Variants in FLOT2 observed in about 807,000 individuals in gnomAD.
FLOT2 encodes the protein flotillin 2, also known as flotillin-2.
A neutral mutation model predicts 54.9 loss-of-function variants in FLOT2; 35 were observed. The ratio of observed to expected loss-of-function variants is 0.64; its 90% CI spans 0.49 to 0.84. The LOEUF is 0.84. Ranked by LOEUF, FLOT2 falls within the 40% of genes least tolerant of loss-of-function variation. The probability of loss-of-function intolerance (pLI) is 0.00; values close to 1 mark genes in which losing one functional copy is unlikely to be tolerated. For synonymous variants in FLOT2, 207 were observed against 228.9 expected (o/e 0.90, Z 0.86); for missense variants, 464 against 572.1 (o/e 0.81, Z 1.93).
intron 1 of FLOT2, among the ~76,000 whole-genome samples, chr17:28,891,032 C>T (rs576850633): frequency 6.6e-6 from 1 of 151,892 alleles, no homozygotes; most frequent in Non-Finnish European, 1.5e-5. Flanking sequence ...AGGTGTGTGC[C>T]CCCATGCCCA....
At chr17:28,888,817 CACCG>C in intron 2 of FLOT2, 124 bp downstream of exon 2, 1 of 568,676 alleles carries the variant, frequency 1.8e-6, no homozygotes. Context: ...CCCACCCCTC[CACCG>C]CCAGAATGGA....
Position 28,880,384 on chromosome 17 carries a change from G to T in FLOT2, c.*177C>A. On this transcript the variant is annotated 3_prime_UTR_variant, in exon 11 of 11. Coordinates refer to ENST00000394908, the MANE Select transcript of FLOT2 (RefSeq NM_004475.3). ...GTGGGGTAAAGGAGAGGAAGAGGAG[G>T]AGGTGGACAGACAGGAGAGACAGGA... is the stretch of plus-strand genomic sequence containing the variant. The T allele has an allele frequency of 6.8e-7, 1 of 1,462,442 alleles. No individual in the cohort carries two copies. The highest frequency in any genetic ancestry group is 9.0e-7 in the Non-Finnish European group (1 of 1,108,958). 90.6% of individuals were successfully genotyped at this position (1,462,442 alleles called of 1,614,324 possible).
rs1283488475 is a variant in FLOT2, at chr17:28,880,342, T to A, written c.*219A>T. On this transcript the variant is annotated 3_prime_UTR_variant, in exon 11 of 11. Coordinates refer to ENST00000394908, the MANE Select transcript of FLOT2 (RefSeq NM_004475.3). ...GCAGGGAGATGAGACACAAACCTGA[T>A]GAAAGTGGCAGTGAAAGTGGGGTAA... 20 of 1,402,446 alleles carry A rather than the reference T, an allele frequency of 1.4e-5. No individual in the cohort carries two copies. The highest frequency in any genetic ancestry group is 2.8e-6 in the Non-Finnish European group (3 of 1,079,830). The allele number at this position is 1,402,446 out of a possible 1,614,324, so 86.9% of individuals were successfully genotyped here.
intron 1 of FLOT2, among the ~76,000 whole-genome samples, chr17:28,893,987 G>A (rs765816607): frequency 2.6e-5 from 4 of 152,338 alleles, no homozygotes; most frequent in Non-Finnish European, 5.9e-5. Context: ...GTAGCTTGCC[G>A]ATGCTCCCAG....
rs2039411313 is a variant in FLOT2 at position 28,879,410 on chromosome 17, C to T, written c.*1151G>A. The T allele has an allele frequency of 1.0e-6, 1 of 988,008 alleles. No individual in the cohort carries two copies. Among genetic ancestry groups the T allele is most frequent in the African/African-American group, 1.7e-5 (1 of 57,246 alleles). 61.2% of individuals were successfully genotyped at this position (988,008 alleles called of 1,614,324 possible). ...GCAGTGCAACATCCAAGCCCCAGAC[C>T]AGACATGCAGCATCCACATGCAGGA... On this transcript the variant is annotated 3_prime_UTR_variant, in exon 11 of 11. Coordinates refer to ENST00000394908, the MANE Select transcript of FLOT2 (RefSeq NM_004475.3).
In FLOT2 at chr17:28,880,074, T is replaced by C; in HGVS notation, c.*487A>G. ...GGCTGTGGGCTTCCTGGGGCAGGGT[T>C]TAGGGCTGGGAAGACCAGTCCAGGA... On this transcript the variant is annotated 3_prime_UTR_variant, in exon 11 of 11. Coordinates refer to ENST00000394908, the MANE Select transcript of FLOT2 (RefSeq NM_004475.3). 8 of 992,362 alleles carry C rather than the reference T, an allele frequency of 8.1e-6. No homozygotes were observed. Among genetic ancestry groups the C allele is most frequent in the Non-Finnish European group, 9.6e-6 (8 of 834,444 alleles). The allele number at this position is 992,362 out of a possible 1,614,324, so 61.5% of individuals were successfully genotyped here.
Position 28,888,984 on chromosome 17 carries a change from C to T in FLOT2, c.92G>A (p.Gly31Asp), listed in dbSNP as rs766987336. 1.5e-5 allele frequency: 25 copies of T among 1,614,186 alleles called. No homozygotes were observed. The highest frequency in any genetic ancestry group is 2.1e-5 in the Non-Finnish European group (25 of 1,180,016). ...GSDYKQYVFG[G>D]WAWAWWCISD... is the part of the protein sequence containing the mutation. ...GATACACCACCAGGCCCAGGCCCAG[C>T]CGCCAAACACGTACTGTTTATAGTC... is the stretch of plus-strand genomic sequence containing the variant. Residue 31 changes from glycine to aspartate, a missense_variant, in exon 2 of 11, where the codon GGC becomes GAC. By Grantham distance (94) the Gly-to-Asp change is moderately conservative. Transcript: ENST00000394908.
In FLOT2 at chr17:28,881,858, G is replaced by A. The variant is rs371405709; in HGVS notation, c.870C>T (p.Ala290=). The A allele has an allele frequency of 1.1e-3, 1,790 of 1,613,524 alleles. 40 individuals are homozygous for A. The South Asian group carries it at 0.018, about 16-fold the overall frequency. Residue 290 remains alanine (A), a synonymous_variant, in exon 8 of 11, where the codon GCC becomes GCT. Coordinates refer to ENST00000394908, the MANE Select transcript of FLOT2 (RefSeq NM_004475.3). ...KELIATVRRP[A]EAEAHRIQQI... ...GCTGGATGCGGTGGGCCTCGGCCTC[G>A]GCAGGCCGGCGCACTGTAGCGATGA... is the stretch of plus-strand genomic sequence containing the variant.
Position 28,884,400 on chromosome 17 carries a change from C to A in FLOT2, c.132-85G>T. On this transcript the variant is annotated intron_variant, in intron 2 of 10. Transcript: ENST00000394908. The surrounding 1 kb of genome is among the most constrained non-coding windows in gnomAD (Gnocchi z 5.1). ...GAAAGAGGCCAGTACCTCACTGCTCCGGCTGGGTCCTGGTGAGGAAGGTGG... is the reference window on the plus strand; with the variant it reads ...GAAAGAGGCCAGTACCTCACTGCTCAGGCTGGGTCCTGGTGAGGAAGGTGG... The A allele has an allele frequency of 1.2e-6, 1 of 811,598 alleles. No homozygotes were observed. Among genetic ancestry groups the A allele is most frequent in the South Asian group, 1.6e-5 (1 of 64,336 alleles). The allele number at this position is 811,598 out of a possible 1,614,324, so 50.3% of individuals were successfully genotyped here.
Position 28,881,267 on chromosome 17 carries a change from C to T in FLOT2, c.1023G>A (p.Met341Ile). The change falls in exon 9 of 11, where the codon ATG (methionine) becomes ATA (isoleucine). Residue 341 changes from methionine (M) to isoleucine (I), a missense_variant. Met to Ile is a conservative substitution (Grantham distance 10). Coordinates refer to ENST00000394908, the MANE Select transcript of FLOT2 (RefSeq NM_004475.3). Reference protein sequence around the residue: ...EAMGKAEAERMKLKAEAYQKY... With the variant: ...EAMGKAEAERIKLKAEAYQKY... ...TCTGGTAGGCTTCTGCCTTGAGCTT[C>T]ATCCGCTCAGCCTCTGCCTTGCCCA... The T allele has an allele frequency of 6.2e-7, 1 of 1,614,204 alleles. No homozygotes were observed. Among genetic ancestry groups the T allele is most frequent in the South Asian group, 1.1e-5 (1 of 91,090 alleles).
chr17:28,891,441 C>T (rs1250810895), intron 1 of FLOT2, among the ~76,000 whole-genome samples: 29 of 152,204 alleles, frequency 1.9e-4, no homozygotes, highest in Non-Finnish European at 1.5e-5. Flanking sequence ...CACCACTTTG[C>T]ATGAGGAGGA....
rs944811632 is a variant in FLOT2, at chr17:28,879,962, G to A, written c.*599C>T. Reference sequence around the variant, plus strand: ...AAAGGACAGGGTATGAGCGCTGGCTGGGGCCTTGGGTGGATGAGGGGAAGG... The same window carrying A: ...AAAGGACAGGGTATGAGCGCTGGCTAGGGCCTTGGGTGGATGAGGGGAAGG... On this transcript the variant is annotated 3_prime_UTR_variant, in exon 11 of 11. Coordinates refer to ENST00000394908, the MANE Select transcript of FLOT2 (RefSeq NM_004475.3). 8.1e-6 allele frequency: 8 copies of A among 987,220 alleles called. No homozygotes were observed. Among genetic ancestry groups the A allele is most frequent in the Non-Finnish European group, 8.4e-6 (7 of 831,226 alleles). The allele number at this position is 987,220 out of a possible 1,614,324, so 61.2% of individuals were successfully genotyped here. A position where few individuals can be genotyped will look rare whatever the true frequency, so the allele number is the denominator to read the frequency against.
intron 1 of FLOT2, among the ~76,000 whole-genome samples, chr17:28,895,259 T>C (rs937445653): frequency 6.6e-6 from 1 of 152,172 alleles, no homozygotes; most frequent in Non-Finnish European, 1.5e-5. Flanking sequence ...TTGAAAGTTA[T>C]CAAAATTTAA....
At chr17:28,885,669 A>C (rs1185753953) in intron 2 of FLOT2, 1 of 717,578 alleles carries the variant, frequency 1.4e-6, no homozygotes, top group African/African-American at 1.7e-5. Context: ...GCAGTCCAAT[A>C]GGCAAGGGCA....
At chr17:28,886,261 A>T (rs2039545131) in intron 2 of FLOT2, among the ~76,000 whole-genome samples, 1 of 152,218 alleles carries the variant, frequency 6.6e-6, no homozygotes, top group African/African-American at 2.4e-5. Flanking sequence ...AGGCTTGTGC[A>T]CAGGGCACCT....
At chr17:28,889,399 G>A (rs1430216570) in intron 1 of FLOT2, among the ~76,000 whole-genome samples, 1 of 151,674 alleles carries the variant, frequency 6.6e-6, no homozygotes. Context: ...GCGCAGTCTC[G>A]GCTCACTGCA....
chr17:28,886,431 G>C (rs570054536), intron 2 of FLOT2, among the ~76,000 whole-genome samples: 1 of 152,330 alleles, frequency 6.6e-6, no homozygotes, highest in African/African-American at 2.4e-5. Context: ...AATCCGCCAG[G>C]TCTGCACTAT....
chr17:28,879,551 G>A lies in FLOT2; in HGVS notation c.*1010C>T, dbSNP rs963952688. On this transcript the variant is annotated 3_prime_UTR_variant, in exon 11 of 11. Coordinates refer to ENST00000394908, the MANE Select transcript of FLOT2 (RefSeq NM_004475.3). ...TCTTCTGCCTCCATTGGAGCAAGGAGACAGAGGATTGGGTTGCTTCCCCAT... is the reference window on the plus strand; with the variant it reads ...TCTTCTGCCTCCATTGGAGCAAGGAAACAGAGGATTGGGTTGCTTCCCCAT... 4.1e-6 allele frequency: 4 copies of A among 985,882 alleles called. No individual in the cohort carries two copies. In the African/African-American group the frequency reaches 7.0e-5, roughly 17 times the overall value. 61.1% of individuals were successfully genotyped at this position (985,882 alleles called of 1,614,324 possible). A position where few individuals can be genotyped will look rare whatever the true frequency, so the allele number is the denominator to read the frequency against.
In FLOT2 at chr17:28,895,451, C is replaced by T. The variant is rs55724911; in HGVS notation, c.49+2075G>A. Among the ~76,000 whole-genome samples the T allele has an allele frequency of 8.5e-3, 1,289 of 151,836 alleles. 12 individuals are homozygous for T. Among genetic ancestry groups the T allele is most frequent in the South Asian group, 0.036 (175 of 4,816 alleles). On this transcript the variant is annotated intron_variant, in intron 1 of 10. Transcript: ENST00000394908. ...TAATTTTTTGTATTTTTAACAGAAACGGGATTTCACCATGTTAGCCAGAAC... is the reference window on the plus strand; with the variant it reads ...TAATTTTTTGTATTTTTAACAGAAATGGGATTTCACCATGTTAGCCAGAAC...
Sources: gnomAD v4.1 joint callset for allele counts (sites outside exome capture counted in the v4.1 genomes callset) on GRCh38, gnomAD v4.1.1 for gene constraint, Gnocchi (gnomAD v3.1) non-coding constraint, MANE v1.5 for transcripts, NCBI Gene and HGNC (gene_info 2026-07-23, HGNC 2026-07-21) for gene names.